The following GPC6 variants were observed in gnomAD, a reference collection of about 807,000 sequenced individuals.
GPC6 encodes the protein glypican 6.
GPC6 carries 14 observed loss-of-function variants against 55.2 expected under a neutral mutation model. The observed-to-expected ratio is 0.25, with a 90% confidence interval of 0.17 to 0.40. The LOEUF is 0.40. GPC6 is among the 10% of genes least tolerant of loss of function. The pLI is 1.00. For missense variants in GPC6, 641 were observed against 708.5 expected (o/e 0.90, Z 1.08); for synonymous variants, 278 against 259.6 (o/e 1.07, Z -0.68).
chr13:93,812,112 T>C (rs1886710832), intron 2 of GPC6, among the ~76,000 whole-genome samples: 1 of 122,270 alleles, frequency 8.2e-6, no homozygotes, highest in Non-Finnish European at 1.6e-5. Flanking sequence ...CTCACGCCTG[T>C]AATCCCAGCA....
chr13:93,719,933 C>T (rs989215520), intron 2 of GPC6, among the ~76,000 whole-genome samples: 5 of 151,948 alleles, frequency 3.3e-5, no homozygotes, highest in African/African-American at 9.7e-5. Flanking sequence ...GGGATGAAGC[C>T]GACTTGATCA....
intron 2 of GPC6, among the ~76,000 whole-genome samples, chr13:93,801,751 C>G (rs751779924): frequency 6.6e-6 from 1 of 152,138 alleles, no homozygotes; most frequent in East Asian, 1.9e-4. Flanking sequence ...GGAATTCTTA[C>G]ACATTTTGTA....
intron 4 of GPC6, among the ~76,000 whole-genome samples, chr13:94,192,117 T>TTA (rs1361275223): frequency 3.9e-5 from 6 of 152,192 alleles, no homozygotes; most frequent in African/African-American, 1.4e-4. Flanking sequence ...TCCATAGCAT[T>TTA]TACTTACCTC....
intron 4 of GPC6, among the ~76,000 whole-genome samples, chr13:94,172,574 A>T (rs955857940): frequency 6.6e-6 from 1 of 152,228 alleles, no homozygotes; most frequent in Non-Finnish European, 1.5e-5. Context: ...ATTCATTAAC[A>T]TATTCTCTAT....
intron 4 of GPC6, among the ~76,000 whole-genome samples, chr13:94,245,679 A>T (rs1202166911): frequency 1.3e-5 from 2 of 152,044 alleles, no homozygotes; most frequent in Non-Finnish European, 2.9e-5. Context: ...GTTGTGGCAA[A>T]TGGCAAGATC....
At chr13:93,691,763 GT>G (rs1296445712) in intron 2 of GPC6, among the ~76,000 whole-genome samples, 1 of 151,920 alleles carries the variant, frequency 6.6e-6, no homozygotes, top group African/African-American at 2.4e-5. Context: ...GTTATGATAA[GT>G]TATGAAATTT....
intron 4 of GPC6, among the ~76,000 whole-genome samples, chr13:94,250,050 A>G (rs1566592473): frequency 6.6e-6 from 1 of 152,184 alleles, no homozygotes; most frequent in Non-Finnish European, 1.5e-5. Flanking sequence ...ACATAGATCA[A>G]TAAGTCGACA....
chr13:93,884,240 A>C (rs920394227), intron 3 of GPC6, among the ~76,000 whole-genome samples: 21 of 152,042 alleles, frequency 1.4e-4, no homozygotes, highest in African/African-American at 5.1e-4. Flanking sequence ...TCCCCATAGA[A>C]TTTTATTTTT....
rs529102167 is a variant in GPC6 at position 94,118,827 on chromosome 13, A to T, written c.877+90933A>T. On this transcript the variant is annotated intron_variant, in intron 4 of 8. Transcript: ENST00000377047. ...ATATGTTGTTCTAGCAGAAAGAGAA[A>T]CCTACTATATGCCAAAGAAACACTT... Among the ~76,000 whole-genome samples the T allele has an allele frequency of 3.9e-5, 6 of 152,058 alleles. No homozygotes were observed. In the South Asian group the frequency reaches 1.2e-3, roughly 32 times the overall value.
At chr13:93,716,939 T>G (rs1566501437) in intron 2 of GPC6, among the ~76,000 whole-genome samples, 2 of 151,654 alleles carry the variant, frequency 1.3e-5, no homozygotes. Context: ...TGCCATTATG[T>G]TACAATTGAC....
chr13:93,846,805 T>A (rs1257288124), intron 3 of GPC6, among the ~76,000 whole-genome samples: 1 of 152,150 alleles, frequency 6.6e-6, no homozygotes, highest in Non-Finnish European at 1.5e-5. Context: ...TTGGTGTGTA[T>A]TTTGTGCTTA....
At chr13:94,282,482 G>T (rs565844950) in intron 4 of GPC6, among the ~76,000 whole-genome samples, 1 of 152,276 alleles carries the variant, frequency 6.6e-6, no homozygotes, top group African/African-American at 2.4e-5. Context: ...CACAACACAT[G>T]GAGTTTATGG....
At chr13:94,077,448 A>G (rs936515819) in intron 4 of GPC6, among the ~76,000 whole-genome samples, 1 of 151,746 alleles carries the variant, frequency 6.6e-6, no homozygotes. Flanking sequence ...TTCCTTTCCA[A>G]TTGGAAGCCT....
At chr13:93,873,967 T>C (rs978358137) in intron 3 of GPC6, among the ~76,000 whole-genome samples, 6 of 151,980 alleles carry the variant, frequency 3.9e-5, no homozygotes, top group African/African-American at 1.4e-4. Context: ...CACCATCATG[T>C]CTTGCCTGGA....
intron 4 of GPC6, among the ~76,000 whole-genome samples, chr13:94,175,776 A>G (rs2138937217): frequency 6.7e-6 from 1 of 149,774 alleles, no homozygotes; most frequent in African/African-American, 2.4e-5. Context: ...TCTTTCATAT[A>G]TATAAGCATA....
chr13:93,574,456 GAGT>G (rs1876562635), intron 2 of GPC6, among the ~76,000 whole-genome samples: 1 of 152,092 alleles, frequency 6.6e-6, no homozygotes. Flanking sequence ...ATTTTGGAGG[GAGT>G]ATGGCCCTGC....
chr13:94,260,539 T>C (rs1891626924), intron 4 of GPC6, among the ~76,000 whole-genome samples: 1 of 152,208 alleles, frequency 6.6e-6, no homozygotes, highest in Non-Finnish European at 1.5e-5. Flanking sequence ...CTTCTTCTTA[T>C]AAGGACATCA....
chr13:93,558,378 A>G (rs1875591189), intron 2 of GPC6, among the ~76,000 whole-genome samples: 3 of 152,324 alleles, frequency 2.0e-5, no homozygotes, highest in South Asian at 4.1e-4. Context: ...GATCGGTACC[A>G]TGAATTAAAA....
chr13:93,697,396 C>T (rs1287704503), intron 2 of GPC6, among the ~76,000 whole-genome samples: 2 of 152,148 alleles, frequency 1.3e-5, no homozygotes, highest in African/African-American at 4.8e-5. Flanking sequence ...ACCCTCACTC[C>T]TCTTTGTTAC....
Sources: allele counts gnomAD v4.1 joint callset (sites outside exome capture counted in the v4.1 genomes callset), GRCh38; gene constraint gnomAD v4.1.1; transcripts MANE v1.5; gene names NCBI Gene and HGNC (gene_info 2026-07-23, HGNC 2026-07-21).